E2F7: variants seen among roughly 807,000 people sequenced by gnomAD.
The protein encoded by E2F7 is E2F transcription factor 7.
In E2F7, 35 loss-of-function variants were observed where a neutral mutation model predicts 81.1. That is an observed-to-expected ratio of 0.43 (90% confidence interval 0.33 to 0.57). E2F7 has a LOEUF of 0.57. Ranked by LOEUF, E2F7 falls within the 20% of genes least tolerant of loss-of-function variation. The pLI is 0.04. For missense variants in E2F7, 961 were observed against 1,093.7 expected, an observed-to-expected ratio of 0.88 and a Z score of 1.71; for synonymous variants, 416 against 416.2, an observed-to-expected ratio of 1.00 and a Z score of 0.01.
chr12:77,024,164 T>TG lies in E2F7; in HGVS notation c.2586dup (p.Lys863GlnfsTer9). On this transcript the variant is annotated frameshift_variant, in exon 13 of 13. Transcript: ENST00000322886. LOFTEE classifies it high-confidence loss of function. The stretch of plus-strand genomic sequence containing the variant: ...TCACGATGTGTGCGTTGGATGCTCT[T>TG]GGGGGTCACTGGAACTGGTGACTGA... The TG allele has an allele frequency of 6.2e-7, 1 of 1,613,334 alleles. No individual in the cohort carries two copies. The highest frequency in any genetic ancestry group is 8.5e-7 in the Non-Finnish European group (1 of 1,179,824).
intron 7 of E2F7, 66 bp downstream of exon 7, chr12:77,042,999 G>C: frequency 6.2e-7 from 1 of 1,610,896 alleles, no homozygotes; most frequent in Admixed American, 1.7e-5. Flanking sequence ...TAGTAGATGT[G>C]AGACTTGGAA....
At position 77,030,054 on chromosome 12, in the gene E2F7, A is replaced by G. The variant is rs1263863550; in HGVS notation, c.1661T>C (p.Leu554Pro). ...QPLVYVPSAS[L>P]FMLYGSLQEG... The stretch of plus-strand genomic sequence containing the variant: ...CTGCAGACTTCCATACAGCATGAAC[A>G]GTGAGGCAGAGGGCACATACACTAG... Residue 554 changes from leucine to proline, a missense_variant, in exon 10 of 13, where the codon CTG becomes CCG. Physicochemically the swap from Leu to Pro is moderately conservative, Grantham distance 98 (BLOSUM62 -3). Coordinates refer to ENST00000322886, the MANE Select transcript of E2F7 (RefSeq NM_203394.3). The G allele has an allele frequency of 1.9e-6, 3 of 1,614,192 alleles. No individual in the cohort carries two copies. The highest frequency in any genetic ancestry group is 2.5e-6 in the Non-Finnish European group (3 of 1,180,042).
chr12:77,061,088 A>G (rs1285301288), intron 2 of E2F7, among the ~76,000 whole-genome samples: 2 of 152,032 alleles, frequency 1.3e-5, no homozygotes, highest in Non-Finnish European at 2.9e-5. Context: ...TCACTCTTAC[A>G]AACCAAACCG....
chr12:77,026,000 C>T lies in E2F7; in HGVS notation c.2141-18G>A. ...ATTTAATCCTGAAAGAAAAGCAGAA[C>T]AGGCGAAAATCAATATATGTCATCA... is the stretch of plus-strand genomic sequence containing the variant. On this transcript the variant is annotated intron_variant, in intron 11 of 12. Coordinates refer to ENST00000322886, the MANE Select transcript of E2F7 (RefSeq NM_203394.3). 1.3e-6 allele frequency: 2 copies of T among 1,590,088 alleles called. No individual in the cohort carries two copies. Among genetic ancestry groups the T allele is most frequent in the South Asian group, 1.1e-5 (1 of 87,812 alleles).
chr12:77,058,962 G>A (rs921369406), intron 2 of E2F7, among the ~76,000 whole-genome samples: 1 of 152,188 alleles, frequency 6.6e-6, no homozygotes, highest in Non-Finnish European at 1.5e-5. Flanking sequence ...GCCCACTGCA[G>A]ATACTCAAAG....
intron 11 of E2F7, among the ~76,000 whole-genome samples, chr12:77,026,406 A>G (rs1206263446): frequency 1.3e-5 from 2 of 152,058 alleles, no homozygotes; most frequent in African/African-American, 4.8e-5. Flanking sequence ...GGGCTCAAGC[A>G]GTCGTCCCAT....
chr12:77,043,135 C>A lies in E2F7; in HGVS notation c.1053G>T (p.Val351=). 6.2e-7 allele frequency: 1 copy of A among 1,614,194 alleles called. No individual in the cohort carries two copies. The highest frequency in any genetic ancestry group is 8.5e-7 in the Non-Finnish European group (1 of 1,180,038). Residue 351 remains valine, a synonymous_variant, in exon 7 of 13, where the codon GTG becomes GTT. Coordinates refer to ENST00000322886, the MANE Select transcript of E2F7 (RefSeq NM_203394.3). ...VLTSLALIKK[V]HVTEERGRKP... ...TACGACCTCGCTCTTCTGTTACATG[C>A]ACTTTCTTTATCAGAGCCAAGCTGG...
At chr12:77,034,896 A>C (rs1390476146) in intron 7 of E2F7, among the ~76,000 whole-genome samples, 1 of 152,242 alleles carries the variant, frequency 6.6e-6, no homozygotes, top group Non-Finnish European at 1.5e-5. Flanking sequence ...AGTCACCTTC[A>C]CAGTTTTCTT....
chr12:77,025,834 T>C lies in E2F7; in HGVS notation c.2289A>G (p.Ala763=). 6.2e-7 allele frequency: 1 copy of C among 1,613,836 alleles called. No homozygotes were observed. The highest frequency in any genetic ancestry group is 8.5e-7 in the Non-Finnish European group (1 of 1,179,984). Residue 763 remains alanine (A), a synonymous_variant, in exon 12 of 13, where the codon GCA becomes GCG. Coordinates refer to ENST00000322886, the MANE Select transcript of E2F7 (RefSeq NM_203394.3). ...GAGTAGAAGAAACCGGGCCCGGCATTGCAGGAGAATAGAGAACAGGAAAAG... is the reference window on the plus strand; with the variant it reads ...GAGTAGAAGAAACCGGGCCCGGCATCGCAGGAGAATAGAGAACAGGAAAAG... The part of the protein sequence containing the change: ...LGPFPVLYSP[A]MPGPVSSTLG...
At chr12:77,060,736 T>A (rs1402427360) in intron 2 of E2F7, among the ~76,000 whole-genome samples, 6 of 152,194 alleles carry the variant, frequency 3.9e-5, no homozygotes, top group Non-Finnish European at 8.8e-5. Flanking sequence ...AATGACTACA[T>A]GTTAGAAAGT....
Position 77,065,540 on chromosome 12 carries a change from C to A in E2F7, c.-196G>T, listed in dbSNP as rs1214302844. The stretch of plus-strand genomic sequence containing the variant: ...CGGGCAGCGCCAGCGCTCAGACCGG[C>A]CGAGCGCAACTCCAGCCTGGATCGT... On this transcript the variant is annotated 5_prime_UTR_variant, in exon 1 of 13. Coordinates refer to ENST00000322886, the MANE Select transcript of E2F7 (RefSeq NM_203394.3). The A allele has an allele frequency of 6.6e-6, 1 of 152,364 alleles. No homozygotes were observed. The highest frequency in any genetic ancestry group is 1.5e-5 in the Non-Finnish European group (1 of 68,192). 9.4% of individuals were successfully genotyped at this position (152,364 alleles called of 1,614,324 possible).
At position 77,030,110 on chromosome 12, in the gene E2F7, G is replaced by A; in HGVS notation, c.1605C>T (p.Ser535=). ...GGCCAGCAAGGAGTGCTGGCTTCAG[G>A]CTCTCCACAGCAGAGGCTGCAGAAG... ...SLASAASAVE[S]LKPALLAGQP... Residue 535 remains serine, a synonymous_variant, in exon 10 of 13, where the codon AGC becomes AGT. Coordinates refer to ENST00000322886, the MANE Select transcript of E2F7 (RefSeq NM_203394.3). 1 of 1,614,156 alleles carries A rather than the reference G, an allele frequency of 6.2e-7. No homozygotes were observed. Among genetic ancestry groups the A allele is most frequent in the Middle Eastern group, 1.6e-4 (1 of 6,062 alleles).
chr12:77,058,354 C>A (rs1955051610), intron 2 of E2F7, among the ~76,000 whole-genome samples: 1 of 152,162 alleles, frequency 6.6e-6, no homozygotes, highest in Non-Finnish European at 1.5e-5. Flanking sequence ...AGTCAAATAA[C>A]TTGGCTGAGG....
intron 12 of E2F7, among the ~76,000 whole-genome samples, chr12:77,024,452 G>A (rs1954742046): frequency 6.6e-6 from 1 of 152,106 alleles, no homozygotes. Flanking sequence ...CTGCCACTGT[G>A]GACAAGTTAC....
intron 7 of E2F7, among the ~76,000 whole-genome samples, chr12:77,037,581 C>A (rs1029843845): frequency 6.6e-6 from 1 of 152,200 alleles, no homozygotes; most frequent in Non-Finnish European, 1.5e-5. Context: ...AGTATACTAT[C>A]ACTTGAAAGT....
intron 4 of E2F7, among the ~76,000 whole-genome samples, chr12:77,049,396 G>C (rs185118148): frequency 6.6e-6 from 1 of 152,128 alleles, no homozygotes; most frequent in South Asian, 2.1e-4. Flanking sequence ...CAACATTCTA[G>C]TAAGAGCTGA....
At chr12:77,062,399 T>A (rs1029142734) in intron 2 of E2F7, among the ~76,000 whole-genome samples, 2 of 152,164 alleles carry the variant, frequency 1.3e-5, no homozygotes, top group African/African-American at 4.8e-5. Context: ...AAACCCCATG[T>A]TTTCATTATC....
At chr12:77,036,005 C>G (rs148069686) in intron 7 of E2F7, among the ~76,000 whole-genome samples, 2 of 10,752 alleles carry the variant, frequency 1.9e-4, no homozygotes, top group African/African-American at 8.7e-4. Flanking sequence ...ATAAATGAAA[C>G]GAGAAAAAAG....
chr12:77,046,839 T>G (rs1312909903), intron 4 of E2F7, among the ~76,000 whole-genome samples: 1 of 152,194 alleles, frequency 6.6e-6, no homozygotes, highest in Non-Finnish European at 1.5e-5. Flanking sequence ...AAAATTACCT[T>G]GATAACGCTC....
Sources: allele counts gnomAD v4.1 joint callset (sites outside exome capture counted in the v4.1 genomes callset), GRCh38; gene constraint gnomAD v4.1.1; transcripts MANE v1.5; gene names NCBI Gene and HGNC (gene_info 2026-07-23, HGNC 2026-07-21).